PPP1R12B: variants seen among roughly 807,000 people sequenced by gnomAD.
PPP1R12B encodes myosin phosphatase target subunit 2.
Under a neutral mutation model 126.1 loss-of-function variants are expected in PPP1R12B, and 76 were observed. That is an observed-to-expected ratio of 0.60 (90% confidence interval 0.50 to 0.73). The LOEUF is 0.73. Among genes scored for constraint, PPP1R12B ranks in the 30% least tolerant of loss-of-function variants. The pLI, the probability that PPP1R12B is intolerant of heterozygous loss-of-function variation, is 0.00. For synonymous variants in PPP1R12B, 356 were observed against 434.7 expected (o/e 0.82, Z 2.25); for missense variants, 1,052 against 1,205.1 (o/e 0.87, Z 1.88).
At chr1:202,484,939 G>C (rs2148827508) in intron 13 of PPP1R12B, among the ~76,000 whole-genome samples, 1 of 152,296 alleles carries the variant, frequency 6.6e-6, no homozygotes, top group South Asian at 2.1e-4. Flanking sequence ...TCTGTCTTTG[G>C]GGCAGGGCTG....
At chr1:202,424,368 G>A (rs1335668258) in intron 3 of PPP1R12B, among the ~76,000 whole-genome samples, 2 of 150,398 alleles carry the variant, frequency 1.3e-5, no homozygotes, top group Non-Finnish European at 3.0e-5. Flanking sequence ...GTGTCTCCCA[G>A]GCTGGAGTGC....
chr1:202,417,694 T>C (rs2148620755), intron 2 of PPP1R12B, among the ~76,000 whole-genome samples: 1 of 152,304 alleles, frequency 6.6e-6, no homozygotes, highest in Non-Finnish European at 1.5e-5. Context: ...TTAAGGTAAA[T>C]TTCCTAAATA....
chr1:202,515,452 G>A (rs558122907), intron 18 of PPP1R12B, among the ~76,000 whole-genome samples: 8 of 152,252 alleles, frequency 5.3e-5, no homozygotes, highest in African/African-American at 1.9e-4. Context: ...CCTAGCTTTA[G>A]GCATAGCTAA....
chr1:202,569,188 A>G lies in PPP1R12B; in HGVS notation c.2853A>G (p.Glu951=), dbSNP rs1405186271. The change falls in exon 23 of 24, where the codon GAA becomes GAG. Residue 951 remains glutamate, a synonymous_variant. Transcript: ENST00000608999. ...AGCGCAAAATGTCAGAAATGGAGGA[A>G]GAAATGAAGGTATGAAGAGATTTTC... is the stretch of plus-strand genomic sequence containing the variant. ...ALERKMSEME[E]EMKVLTELKS... The G allele has an allele frequency of 3.1e-6, 5 of 1,613,120 alleles. No individual in the cohort carries two copies. The highest frequency in any genetic ancestry group is 4.2e-6 in the Non-Finnish European group (5 of 1,179,234).
chr1:202,391,067 A>G (rs1052604693), intron 1 of PPP1R12B, among the ~76,000 whole-genome samples: 1 of 152,152 alleles, frequency 6.6e-6, no homozygotes, highest in Admixed American at 6.5e-5. Context: ...TGTCCCCCAA[A>G]AAAAGAAAGT....
rs1462977774 is a variant in PPP1R12B at position 202,586,885 on chromosome 1, C to G, written c.*6325C>G. The G allele has an allele frequency of 6.6e-6, 1 of 152,234 alleles. No homozygotes were observed. Among genetic ancestry groups the G allele is most frequent in the African/African-American group, 2.4e-5 (1 of 41,456 alleles). 9.4% of individuals were successfully genotyped at this position (152,234 alleles called of 1,614,324 possible). A position where few individuals can be genotyped will look rare whatever the true frequency, so the allele number is the denominator to read the frequency against. On this transcript the variant is annotated 3_prime_UTR_variant, in exon 24 of 24. Coordinates refer to ENST00000608999, the MANE Select transcript of PPP1R12B (RefSeq NM_002481.4). ...AGCAATTTGGGGATAACTCTTGGATCTAGCTTATGTGCGTTCACATGCACA... is the reference window on the plus strand; with the variant it reads ...AGCAATTTGGGGATAACTCTTGGATGTAGCTTATGTGCGTTCACATGCACA...
At chr1:202,450,958 G>A (rs12732686) in intron 13 of PPP1R12B, among the ~76,000 whole-genome samples, 1 of 152,168 alleles carries the variant, frequency 6.6e-6, no homozygotes, top group Non-Finnish European at 1.5e-5. Flanking sequence ...TAGTATGGAC[G>A]TTTTAACAAT....
chr1:202,490,959 C>A (rs1167203852), intron 14 of PPP1R12B, among the ~76,000 whole-genome samples: 1 of 152,136 alleles, frequency 6.6e-6, no homozygotes, highest in African/African-American at 2.4e-5. Flanking sequence ...GCTTTCAATT[C>A]TTTTGGGTAC....
At chr1:202,506,939 G>C (rs1435978153) in intron 18 of PPP1R12B, among the ~76,000 whole-genome samples, 1 of 152,188 alleles carries the variant, frequency 6.6e-6, no homozygotes, top group Non-Finnish European at 1.5e-5. Context: ...TGGAAAGGGT[G>C]AGAGATGCTA....
chr1:202,400,097 A>C (rs1665609852), intron 1 of PPP1R12B, among the ~76,000 whole-genome samples: 1 of 152,050 alleles, frequency 6.6e-6, no homozygotes, highest in Admixed American at 6.6e-5. Context: ...CACACTTATA[A>C]GTGAGAACAT....
chr1:202,426,950 A>C (rs1258524371), intron 4 of PPP1R12B, 90 bp from the exon 5 acceptor site: 9 of 1,519,280 alleles, frequency 5.9e-6, no homozygotes, highest in East Asian at 4.6e-5. Flanking sequence ...TTCAGGGCCA[A>C]AATCTGAAAT....
intron 18 of PPP1R12B, among the ~76,000 whole-genome samples, chr1:202,547,494 A>G (rs1685772156): frequency 6.6e-6 from 1 of 152,196 alleles, no homozygotes; most frequent in East Asian, 1.9e-4. Flanking sequence ...GTGTGTCTGG[A>G]CTTTAACCTC....
chr1:202,501,231 G>A (rs1023627614), intron 18 of PPP1R12B, among the ~76,000 whole-genome samples: 1 of 152,200 alleles, frequency 6.6e-6, no homozygotes, highest in African/African-American at 2.4e-5. Flanking sequence ...ATATTCAGCA[G>A]TGTGTTTGCT....
chr1:202,519,622 A>G (rs894828165), intron 18 of PPP1R12B, among the ~76,000 whole-genome samples: 2 of 152,170 alleles, frequency 1.3e-5, no homozygotes, highest in Middle Eastern at 3.4e-3. Flanking sequence ...GTGGAACTCC[A>G]ATTTTATTCT....
At position 202,348,728 on chromosome 1, in the gene PPP1R12B, C is replaced by G. The variant is rs1404081873; in HGVS notation, c.-124C>G. ...CTACTGGCGGGAGGAGTAAAGATGGCGGCGCGAGGGTCTCCGCCCTCTGCT... is the reference window on the plus strand; with the variant it reads ...CTACTGGCGGGAGGAGTAAAGATGGGGGCGCGAGGGTCTCCGCCCTCTGCT... On this transcript the variant is annotated 5_prime_UTR_variant, in exon 1 of 24. Transcript: ENST00000608999. The G allele has an allele frequency of 1.3e-5, 16 of 1,264,314 alleles. No individual in the cohort carries two copies. In the South Asian group the frequency reaches 1.9e-4, roughly 15 times the overall value. The allele number at this position is 1,264,314 out of a possible 1,614,324, so 78.3% of individuals were successfully genotyped here. A position where few individuals can be genotyped will look rare whatever the true frequency, so the allele number is the denominator to read the frequency against.
intron 13 of PPP1R12B, among the ~76,000 whole-genome samples, chr1:202,452,478 G>T (rs1202227589): frequency 6.6e-6 from 1 of 152,184 alleles, no homozygotes; most frequent in Non-Finnish European, 1.5e-5. Flanking sequence ...CAGGGAGGTT[G>T]CAGTGAGCCG....
At chr1:202,442,246 G>T (rs1280062837) in intron 11 of PPP1R12B, among the ~76,000 whole-genome samples, 2 of 152,152 alleles carry the variant, frequency 1.3e-5, no homozygotes, top group Non-Finnish European at 2.9e-5. Flanking sequence ...GAAATTAATT[G>T]GTTCAAAGTT....
intron 13 of PPP1R12B, among the ~76,000 whole-genome samples, chr1:202,455,892 A>G (rs1673563320): frequency 6.6e-6 from 1 of 152,240 alleles, no homozygotes; most frequent in East Asian, 1.9e-4. Context: ...TGAGATGACC[A>G]GTAAGGAAAC....
At chr1:202,502,077 TA>T (rs1680285864) in intron 18 of PPP1R12B, 1 of 985,638 alleles carries the variant, frequency 1.0e-6, no homozygotes, top group African/African-American at 1.7e-5. Flanking sequence ...CTATTGCTTT[TA>T]GATAAATCAG....
Sources: allele counts gnomAD v4.1 joint callset (sites outside exome capture counted in the v4.1 genomes callset), GRCh38; gene constraint gnomAD v4.1.1; transcripts MANE v1.5; gene names NCBI Gene and HGNC (gene_info 2026-07-23, HGNC 2026-07-21).